PRH1: variants seen among roughly 807,000 people sequenced by gnomAD.
The protein encoded by PRH1 is proline rich protein HaeIII subfamily 1.
PRH1 carries 7 observed loss-of-function variants against 7.9 expected under a neutral mutation model. That is an observed-to-expected ratio of 0.89 (90% confidence interval 0.50 to 1.67). The LOEUF is 1.67. PRH1 is among the 40% of genes most tolerant of loss of function. PRH1 has a pLI of 0.00. For synonymous variants in PRH1, 45 were observed against 80.8 expected (o/e 0.56, Z 2.38); for missense variants, 109 against 223.6 (o/e 0.49, Z 3.27).
chr12:11,157,765 C>T (rs1057412333), intron 1 of PRH1, among the ~76,000 whole-genome samples: 1 of 152,056 alleles, frequency 6.6e-6, no homozygotes, highest in Non-Finnish European at 1.5e-5. Flanking sequence ...TTCTCCAAAT[C>T]GTGCATGTAA....
chr12:10,956,695 G>A (rs79706381), intron 2 of PRH1, among the ~76,000 whole-genome samples: 2,310 of 152,072 alleles, frequency 0.015, 20 homozygotes, highest in South Asian at 0.031. Context: ...AAATCTCCTT[G>A]GTCTGATAAA....
chr12:11,067,254 C>G (rs940391166), intron 1 of PRH1, among the ~76,000 whole-genome samples: 6 of 152,088 alleles, frequency 3.9e-5, no homozygotes, highest in Non-Finnish European at 8.8e-5. Context: ...ATATTTTACC[C>G]AACACACAGG....
intron 1 of PRH1, among the ~76,000 whole-genome samples, chr12:11,155,312 T>C (rs1947219036): frequency 6.6e-6 from 1 of 152,196 alleles, no homozygotes; most frequent in Non-Finnish European, 1.5e-5. Flanking sequence ...CTTTCCAGTA[T>C]AATTCATGGG....
At chr12:11,076,079 A>AATATAT (rs139636107) in intron 1 of PRH1, among the ~76,000 whole-genome samples, 2,336 of 108,850 alleles carry the variant, frequency 0.021, 603 homozygotes, top group Non-Finnish European at 0.025. Context: ...ATGTGGATGT[A>AATATAT]ATATATATAT....
chr12:11,137,046 G>C (rs1208492460), intron 1 of PRH1, among the ~76,000 whole-genome samples: 1 of 152,160 alleles, frequency 6.6e-6, no homozygotes, highest in African/African-American at 2.4e-5. Context: ...ACCGGAAATT[G>C]ATTTGATGTG....
At chr12:10,981,977 G>C (rs185809052) in intron 1 of PRH1, among the ~76,000 whole-genome samples, 137 of 151,492 alleles carry the variant, frequency 9.0e-4, no homozygotes, top group African/African-American at 3.2e-3. Flanking sequence ...TTACAGGTAT[G>C]AGCTGCCTCA....
Position 11,152,257 on chromosome 12 carries a change from G to A in PRH1, n.39+19165C>T, listed in dbSNP as rs1160148162. 9.0e-4 allele frequency among the ~76,000 whole-genome samples: 92 copies of A among 102,628 alleles called. 1 individual carries two copies. The highest frequency in any genetic ancestry group is 0.02 in the Middle Eastern group (2 of 100). 67.3% of individuals were successfully genotyped at this position (102,628 alleles called of 152,430 possible). A position where few individuals can be genotyped will look rare whatever the true frequency, so the allele number is the denominator to read the frequency against. ...CTCCCCCCACCCCACAACAGGCCCC[G>A]GTGTGTGATGTTTATTATAAATAAA... On this transcript the variant is annotated intron_variant and non_coding_transcript_variant, in intron 1 of 1. Coordinates refer to the PRH1 transcript ENST00000541175.
At chr12:11,090,492 G>C (rs1450862532) in intron 1 of PRH1, among the ~76,000 whole-genome samples, 1 of 116,382 alleles carries the variant, frequency 8.6e-6, no homozygotes, top group Non-Finnish European at 2.0e-5. Flanking sequence ...AAAAGCGGAA[G>C]AAATGACGTT....
chr12:10,897,598 G>A (rs566529126), intron 2 of PRH1, among the ~76,000 whole-genome samples: 1 of 152,338 alleles, frequency 6.6e-6, no homozygotes, highest in Non-Finnish European at 1.5e-5. Flanking sequence ...GGCTGTACAG[G>A]AAGCATGGCG....
At chr12:11,136,121 C>A (rs767470205) in intron 1 of PRH1, among the ~76,000 whole-genome samples, 2 of 152,172 alleles carry the variant, frequency 1.3e-5, no homozygotes, top group Non-Finnish European at 2.9e-5. Flanking sequence ...TAAGCAATAT[C>A]CATAATTTAT....
intron 1 of PRH1, among the ~76,000 whole-genome samples, chr12:11,013,290 A>G (rs1941145247): frequency 6.6e-6 from 1 of 152,188 alleles, no homozygotes; most frequent in Admixed American, 6.5e-5. Context: ...GAGTCCAGAA[A>G]TTAACACTGA....
intron 1 of PRH1, among the ~76,000 whole-genome samples, chr12:11,055,453 G>A (rs118000478): frequency 0.021 from 3,202 of 152,338 alleles, 55 homozygotes; most frequent in Non-Finnish European, 0.035. Flanking sequence ...TGATTGTGCA[G>A]TAATGTTCTT....
At chr12:11,048,483 T>C (rs72475500), upstream of PRH1, 2 of 311,910 alleles carry the variant, frequency 6.4e-6, no homozygotes, top group Middle Eastern at 4.6e-4. Flanking sequence ...GGAATACAAG[T>C]TTGCTCTGCT....
At chr12:11,133,679 G>C (rs749984347) in intron 1 of PRH1, 1 of 1,614,244 alleles carries the variant, frequency 6.2e-7, no homozygotes, top group Non-Finnish European at 8.5e-7. Context: ...CAGGGTCAGA[G>C]TGAGGGGTAC....
intron 2 of PRH1, among the ~76,000 whole-genome samples, chr12:10,948,817 C>T (rs937140948): frequency 1.3e-5 from 2 of 152,062 alleles, no homozygotes; most frequent in African/African-American, 2.4e-5. Context: ...CCAGGGAGAG[C>T]CTTTGTGTAG....
chr12:11,090,123 C>G (rs903596896), intron 1 of PRH1, among the ~76,000 whole-genome samples: 2 of 116,106 alleles, frequency 1.7e-5, no homozygotes, highest in African/African-American at 5.8e-5. Context: ...CTGTACATTT[C>G]TTTCTTATAA....
chr12:11,077,132 ATGT>A (rs1248942855), intron 1 of PRH1: 1 of 114,978 alleles, frequency 8.7e-6, no homozygotes, highest in African/African-American at 2.9e-5. Flanking sequence ...TTTATGGTCA[ATGT>A]TGTTATTTAT....
chr12:10,972,254 AGGCAAGTCTAATATCACTG>A (rs1292120472), intron 2 of PRH1, among the ~76,000 whole-genome samples: 1 of 152,320 alleles, frequency 6.6e-6, no homozygotes, highest in Non-Finnish European at 1.5e-5. Context: ...CCTTAAAAAA[AGGCAAGTCTAATATCACTG>A]GGCATGATCC....
At chr12:11,168,936 T>G (rs1463004046) in intron 1 of PRH1, among the ~76,000 whole-genome samples, 1 of 152,230 alleles carries the variant, frequency 6.6e-6, no homozygotes, top group African/African-American at 2.4e-5. Flanking sequence ...ATCAGGCAGA[T>G]AGCAAACCAA....
Sources: allele counts gnomAD v4.1 joint callset (sites outside exome capture counted in the v4.1 genomes callset), GRCh38; gene constraint gnomAD v4.1.1; transcripts MANE v1.5; gene names NCBI Gene and HGNC (gene_info 2026-07-23, HGNC 2026-07-21).